Variants in IRF2 observed in about 807,000 individuals in gnomAD.
IRF2 encodes interferon regulatory factor 2.
In IRF2, 15 loss-of-function variants were observed where a neutral mutation model predicts 40.6. That is an observed-to-expected ratio of 0.37 (90% CI 0.25 to 0.57). IRF2 has a LOEUF of 0.57. Ranked by LOEUF, IRF2 falls within the 20% of genes least tolerant of loss-of-function variation. The pLI, the probability that IRF2 is intolerant of heterozygous loss-of-function variation, is 0.77. For missense variants in IRF2, 317 were observed against 455.7 expected (o/e 0.70, Z 2.77); for synonymous variants, 151 against 165.5 (o/e 0.91, Z 0.67).
intron 8 of IRF2, 64 bp from the exon 9 acceptor site, chr4:184,389,130 G>C: frequency 1.3e-6 from 2 of 1,500,380 alleles, no homozygotes; most frequent in African/African-American, 1.4e-5. Flanking sequence ...TTTTAAAAAT[G>C]CATCACTGGC....
At chr4:184,466,482 AATT>A (rs1739335225) in intron 1 of IRF2, among the ~76,000 whole-genome samples, 1 of 152,226 alleles carries the variant, frequency 6.6e-6, no homozygotes, top group African/African-American at 2.4e-5. Flanking sequence ...GAATGCATTA[AATT>A]ATTACATGTG....
At position 184,408,332 on chromosome 4, in the gene IRF2, T is replaced by A; in HGVS notation, c.412-57A>T. 1 of 1,081,450 alleles carries A rather than the reference T, an allele frequency of 9.2e-7. No individual in the cohort carries two copies. 67.0% of individuals were successfully genotyped at this position (1,081,450 alleles called of 1,614,324 possible). On this transcript the variant is annotated intron_variant, in intron 5 of 8. Coordinates refer to ENST00000393593, the MANE Select transcript of IRF2 (RefSeq NM_002199.4). The surrounding 1 kb of genome is among the most constrained non-coding windows in gnomAD (Gnocchi z 4.9). ...ACACTTCCTTTCCCCTCCCTTCTCT[T>A]AGCTGAAATTCTACCCTCTGCCTAC...
intron 5 of IRF2, among the ~76,000 whole-genome samples, chr4:184,415,016 G>A (rs762964098): frequency 3.6e-4 from 55 of 152,190 alleles, no homozygotes; most frequent in Non-Finnish European, 7.1e-4. Context: ...GCTAGTAATT[G>A]TCCTCTGACT....
In IRF2 at chr4:184,448,350, T is replaced by C. The variant is rs1455230514; in HGVS notation, c.-6-19280A>G. ...ATGCATCAATCACTTTATCTATCCATCCATAAGGGGCAGCTTAATCAAGCA... is the reference window on the plus strand; with the variant it reads ...ATGCATCAATCACTTTATCTATCCACCCATAAGGGGCAGCTTAATCAAGCA... On this transcript the variant is annotated intron_variant, in intron 1 of 8. Coordinates refer to ENST00000393593, the MANE Select transcript of IRF2 (RefSeq NM_002199.4). The surrounding 1 kb of genome is among the most constrained non-coding windows in gnomAD (Gnocchi z 4.3). 3.9e-5 allele frequency among the ~76,000 whole-genome samples: 6 copies of C among 152,118 alleles called. No individual in the cohort carries two copies. Among genetic ancestry groups the C allele is most frequent in the Non-Finnish European group, 8.8e-5 (6 of 68,018 alleles).
At chr4:184,471,150 T>G (rs1308254390) in intron 1 of IRF2, among the ~76,000 whole-genome samples, 4 of 152,240 alleles carry the variant, frequency 2.6e-5, no homozygotes, top group African/African-American at 9.6e-5. Context: ...TTTTGAAAGT[T>G]AATGCCTTAC....
intron 2 of IRF2, among the ~76,000 whole-genome samples, chr4:184,425,107 G>A (rs900615592): frequency 1.3e-5 from 2 of 152,188 alleles, no homozygotes; most frequent in African/African-American, 2.4e-5. Context: ...CATCCTGAAT[G>A]CCGACTGAAG....
chr4:184,416,163 T>A (rs184392518), intron 5 of IRF2, among the ~76,000 whole-genome samples: 30 of 151,890 alleles, frequency 2.0e-4, no homozygotes, highest in East Asian at 7.7e-4. Flanking sequence ...AAAATTTTTT[T>A]AAATTATCCA....
At chr4:184,420,111 G>A (rs980849278) in intron 2 of IRF2, among the ~76,000 whole-genome samples, 3 of 152,154 alleles carry the variant, frequency 2.0e-5, no homozygotes, top group African/African-American at 7.2e-5. Flanking sequence ...CAAGTGATCT[G>A]CCCACCTCAG....
At chr4:184,472,840 C>G (rs537209294) in intron 1 of IRF2, among the ~76,000 whole-genome samples, 23 of 152,238 alleles carry the variant, frequency 1.5e-4, no homozygotes, top group Non-Finnish European at 3.2e-4. Flanking sequence ...GGCGTTTCAC[C>G]TGGTGCCCGA....
At chr4:184,404,363 T>C (rs1736774897) in intron 6 of IRF2, among the ~76,000 whole-genome samples, 1 of 152,202 alleles carries the variant, frequency 6.6e-6, no homozygotes, top group Non-Finnish European at 1.5e-5. Context: ...CTACTTTTCT[T>C]AATCAAATAT....
intron 6 of IRF2, among the ~76,000 whole-genome samples, 199 bp from the exon 7 acceptor site, chr4:184,399,278 G>C (rs1288703381): frequency 2.0e-5 from 3 of 152,214 alleles, no homozygotes; most frequent in Non-Finnish European, 4.4e-5. Flanking sequence ...GCCAGCACTT[G>C]GCTCCCCAGG....
intron 8 of IRF2, 50 bp downstream of exon 8, chr4:184,390,653 C>A (rs754119064): frequency 3.6e-5 from 57 of 1,587,020 alleles, no homozygotes; most frequent in Non-Finnish European, 4.4e-5. Context: ...CGGAGCTGGT[C>A]GGGAGGCTTT....
intron 5 of IRF2, among the ~76,000 whole-genome samples, chr4:184,412,610 C>G (rs1445785791): frequency 6.6e-6 from 1 of 152,216 alleles, no homozygotes; most frequent in Non-Finnish European, 1.5e-5. Context: ...GGAACTGGAC[C>G]TTGGCGAGTG....
chr4:184,396,424 A>T (rs1042505367), intron 7 of IRF2, among the ~76,000 whole-genome samples: 1 of 137,606 alleles, frequency 7.3e-6, no homozygotes, highest in South Asian at 2.3e-4. Flanking sequence ...CCATATATAT[A>T]TATTTTTTTT....
intron 5 of IRF2, among the ~76,000 whole-genome samples, chr4:184,411,059 CTTTT>C (rs34897483): frequency 2.1e-5 from 3 of 141,406 alleles, no homozygotes; most frequent in African/African-American, 5.2e-5. Flanking sequence ...TCTCTCCACA[CTTTT>C]TTTTTTTTTT....
At chr4:184,433,570 A>T (rs1737968676) in intron 1 of IRF2, among the ~76,000 whole-genome samples, 1 of 152,248 alleles carries the variant, frequency 6.6e-6, no homozygotes, top group African/African-American at 2.4e-5. Flanking sequence ...TAACTTTTAG[A>T]AAAAGCAAAA....
intron 3 of IRF2, 141 bp downstream of exon 3, chr4:184,419,328 G>T: frequency 1.5e-6 from 1 of 667,474 alleles, no homozygotes. Flanking sequence ...TACCCCATGT[G>T]TCCTGGATGT....
At chr4:184,444,432 C>T (rs1456317444) in intron 1 of IRF2, among the ~76,000 whole-genome samples, 2 of 152,154 alleles carry the variant, frequency 1.3e-5, no homozygotes, top group Non-Finnish European at 1.5e-5. Context: ...GTTTTCTCCT[C>T]TGTAAAATGG....
chr4:184,412,303 T>C (rs1197165069), intron 5 of IRF2, among the ~76,000 whole-genome samples: 1 of 152,128 alleles, frequency 6.6e-6, no homozygotes, highest in Admixed American at 6.5e-5. Flanking sequence ...CACCTTTAGC[T>C]GGTCTTGAAG....
Sources: allele counts gnomAD v4.1 joint callset (sites outside exome capture counted in the v4.1 genomes callset), GRCh38; gene constraint gnomAD v4.1.1; non-coding constraint Gnocchi (gnomAD v3.1); transcripts MANE v1.5; gene names NCBI Gene and HGNC (gene_info 2026-07-23, HGNC 2026-07-21).